Variants in CTNND2 observed in about 807,000 individuals in gnomAD.
The protein encoded by CTNND2 is catenin delta 2.
CTNND2 carries 22 observed loss-of-function variants against 144.4 expected under a neutral mutation model. The observed-to-expected ratio is 0.15, with a 90% CI of 0.11 to 0.22. The LOEUF is 0.22. Ranked by LOEUF, CTNND2 falls within the 10% of genes least tolerant of loss-of-function variation. The pLI, the probability that CTNND2 is intolerant of heterozygous loss-of-function variation, is 1.00. For synonymous variants in CTNND2, 751 were observed against 695.6 expected, an observed-to-expected ratio of 1.08 and a Z score of -1.25; for missense variants, 1,353 against 1,618.8, an observed-to-expected ratio of 0.84 and a Z score of 2.82.
intron 3 of CTNND2, among the ~76,000 whole-genome samples, chr5:11,532,743 C>A (rs143158819): frequency 6.6e-6 from 1 of 152,280 alleles, no homozygotes; most frequent in African/African-American, 2.4e-5. Context: ...AGAAAAAGGA[C>A]ATTTGCTAGT....
rs559360684 is a variant in CTNND2, at chr5:11,899,929, G to A, written c.37+3888C>T. On this transcript the variant is annotated intron_variant, in intron 1 of 21. Coordinates refer to ENST00000304623, the MANE Select transcript of CTNND2 (RefSeq NM_001332.4). Reference sequence around the variant, plus strand: ...CAGAATGCAAAACAGCATTACACTAGGGAAACTTATTTTTCCAATAATTGT... The same window carrying A: ...CAGAATGCAAAACAGCATTACACTAAGGAAACTTATTTTTCCAATAATTGT... 1.1e-4 allele frequency among the ~76,000 whole-genome samples: 16 copies of A among 152,176 alleles called. No homozygotes were observed. The South Asian group carries it at 3.3e-3, about 32-fold the overall frequency.
At chr5:11,655,011 G>C (rs995794943) in intron 2 of CTNND2, among the ~76,000 whole-genome samples, 1 of 151,924 alleles carries the variant, frequency 6.6e-6, no homozygotes, top group Non-Finnish European at 1.5e-5. Context: ...GGGAGCACTG[G>C]TTTATGTATA....
chr5:11,738,913 C>T (rs2126759022), intron 1 of CTNND2, among the ~76,000 whole-genome samples: 1 of 152,190 alleles, frequency 6.6e-6, no homozygotes, highest in South Asian at 2.1e-4. Context: ...GTCCTAGGGC[C>T]CTCAGGCTCT....
chr5:11,879,222 A>G (rs1000989496), intron 1 of CTNND2, among the ~76,000 whole-genome samples: 10 of 151,866 alleles, frequency 6.6e-5, no homozygotes, highest in Admixed American at 3.3e-4. Context: ...CAGACAGGCT[A>G]CGGGAGACAG....
chr5:11,355,003 T>C (rs1755710369), intron 8 of CTNND2, among the ~76,000 whole-genome samples: 2 of 152,130 alleles, frequency 1.3e-5, no homozygotes, highest in South Asian at 2.1e-4. Context: ...CAATCAACAA[T>C]TTAATGAAAT....
intron 1 of CTNND2, among the ~76,000 whole-genome samples, chr5:11,863,971 A>G (rs914859185): frequency 3.3e-5 from 5 of 152,322 alleles, no homozygotes; most frequent in African/African-American, 1.2e-4. Context: ...TCTAAAGCAG[A>G]ACTCCACGTT....
intron 2 of CTNND2, among the ~76,000 whole-genome samples, chr5:11,668,274 A>G (rs1265503760): frequency 6.6e-6 from 1 of 152,204 alleles, no homozygotes; most frequent in Non-Finnish European, 1.5e-5. Flanking sequence ...TATGAAATTT[A>G]AAGAAGTTTT....
chr5:10,977,468 T>G (rs1205743526), intron 21 of CTNND2, among the ~76,000 whole-genome samples: 2 of 152,148 alleles, frequency 1.3e-5, no homozygotes, highest in African/African-American at 4.8e-5. Context: ...TTTTTTTTTT[T>G]TTGAGACAGG....
intron 7 of CTNND2, among the ~76,000 whole-genome samples, chr5:11,371,833 ATTG>A (rs1757501725): frequency 2.6e-5 from 4 of 152,224 alleles, no homozygotes; most frequent in Admixed American, 2.0e-4. Context: ...TGGAAGGAAC[ATTG>A]TTAATTCATA....
intron 2 of CTNND2, among the ~76,000 whole-genome samples, chr5:11,648,550 T>C (rs1330020869): frequency 6.6e-6 from 1 of 152,222 alleles, no homozygotes; most frequent in African/African-American, 2.4e-5. Context: ...AATTAATTTA[T>C]ATTTTTTAAC....
At position 11,643,716 on chromosome 5, in the gene CTNND2, C is replaced by G. The variant is rs541989717; in HGVS notation, c.175-78660G>C. On this transcript the variant is annotated intron_variant, in intron 2 of 21. Coordinates refer to ENST00000304623, the MANE Select transcript of CTNND2 (RefSeq NM_001332.4). ...AATTTATTAAACTTTAATGGGATTA[C>G]TTATTATTGTGAGAGACCAAAAAAT... Among the ~76,000 whole-genome samples, 4 of 152,084 alleles carry G rather than the reference C, an allele frequency of 2.6e-5. No homozygotes were observed. In the South Asian group the frequency reaches 8.3e-4, roughly 32 times the overall value.
intron 10 of CTNND2, among the ~76,000 whole-genome samples, chr5:11,232,234 G>A (rs1741110538): frequency 6.6e-6 from 1 of 152,228 alleles, no homozygotes; most frequent in Non-Finnish European, 1.5e-5. Flanking sequence ...CCCCACTGGG[G>A]CACTGCCTAG....
chr5:11,285,367 G>T (rs935896743), intron 9 of CTNND2, among the ~76,000 whole-genome samples: 1 of 152,120 alleles, frequency 6.6e-6, no homozygotes, highest in Non-Finnish European at 1.5e-5. Context: ...ATAAAATCTG[G>T]TTTTGCTGCT....
chr5:10,994,065 A>G (rs537687501), intron 18 of CTNND2, among the ~76,000 whole-genome samples: 3 of 150,826 alleles, frequency 2.0e-5, no homozygotes, highest in Non-Finnish European at 2.9e-5. Flanking sequence ...AACCAAACTA[A>G]TGGATACCAT....
rs1755479947 is a variant in CTNND2 at position 11,130,473 on chromosome 5, GT to G, written c.2160-12907del. On this transcript the variant is annotated intron_variant, in intron 12 of 21. Transcript: ENST00000304623. ...CTCTTGCTGTCAAGTACTACCTAGG[GT>G]TTTAGCTACATGATTCCAATTAAAA... Among the ~76,000 whole-genome samples the G allele has an allele frequency of 1.3e-5, 2 of 152,136 alleles. 1 individual carries two copies. The highest frequency in any genetic ancestry group is 1.3e-4 in the Admixed American group (2 of 15,266).
chr5:11,136,485 G>A (rs1756160325), intron 12 of CTNND2, among the ~76,000 whole-genome samples: 1 of 151,594 alleles, frequency 6.6e-6, no homozygotes, highest in African/African-American at 2.4e-5. Flanking sequence ...AAAGAACAAT[G>A]GTGCTAACTG....
At chr5:11,026,296 A>G (rs920583850) in intron 16 of CTNND2, among the ~76,000 whole-genome samples, 1 of 151,408 alleles carries the variant, frequency 6.6e-6, no homozygotes, top group Non-Finnish European at 1.5e-5. Context: ...CAAAAGGAGC[A>G]GGCACCAGTA....
At chr5:11,115,311 T>C (rs1279078116) in intron 13 of CTNND2, among the ~76,000 whole-genome samples, 3 of 152,242 alleles carry the variant, frequency 2.0e-5, no homozygotes, top group Non-Finnish European at 2.9e-5. Flanking sequence ...TAATCTTTGG[T>C]GCTGGTGGCT....
At chr5:10,990,903 G>T (rs867493465) in intron 19 of CTNND2, among the ~76,000 whole-genome samples, 1 of 152,156 alleles carries the variant, frequency 6.6e-6, no homozygotes, top group Admixed American at 6.5e-5. Flanking sequence ...CCATCATGTC[G>T]TTTCATTCTC....
Sources: gnomAD v4.1 joint callset for allele counts (sites outside exome capture counted in the v4.1 genomes callset) on GRCh38, gnomAD v4.1.1 for gene constraint, MANE v1.5 for transcripts, NCBI Gene and HGNC (gene_info 2026-07-23, HGNC 2026-07-21) for gene names.